Variants in CHEK1 observed in about 807,000 individuals in gnomAD.
CHEK1 encodes serine/threonine-protein kinase Chk1.
A neutral mutation model predicts 60.2 loss-of-function variants in CHEK1; 32 were observed. That is an observed-to-expected ratio of 0.53 (90% CI 0.40 to 0.71). CHEK1 has a LOEUF of 0.71. Among genes scored for constraint, CHEK1 ranks in the 30% least tolerant of loss-of-function variants. The pLI is 0.00. For missense variants in CHEK1, 399 were observed against 564.6 expected (o/e 0.71, Z 2.97); for synonymous variants, 179 against 187.2 (o/e 0.96, Z 0.36).
intron 11 of CHEK1, among the ~76,000 whole-genome samples, chr11:125,645,525 T>C (rs2136033671): frequency 6.6e-6 from 1 of 152,326 alleles, no homozygotes; most frequent in African/African-American, 2.4e-5. Flanking sequence ...CACTAGATCA[T>C]GTATTTGAAA....
chr11:125,628,106 C>T (rs1346830542), intron 3 of CHEK1, among the ~76,000 whole-genome samples: 1 of 152,170 alleles, frequency 6.6e-6, no homozygotes, highest in Non-Finnish European at 1.5e-5. Context: ...TTTTATGGTA[C>T]ATCATAAATG....
In CHEK1 at chr11:125,656,604, A is replaced by G. The variant is rs1941908403; in HGVS notation, c.*1284A>G. 1 of 213,392 alleles carries G rather than the reference A, an allele frequency of 4.7e-6. No individual in the cohort carries two copies. Among genetic ancestry groups the G allele is most frequent in the African/African-American group, 2.3e-5 (1 of 44,256 alleles). 13.2% of individuals were successfully genotyped at this position (213,392 alleles called of 1,614,324 possible). ...GGGAGAAATTTTGTTCTTGAGAATT[A>G]TCTGAGTCATTAATATTTTTCAAAA... On this transcript the variant is annotated 3_prime_UTR_variant, in exon 13 of 13. Transcript: ENST00000438015.
rs150927694 is a variant in CHEK1, at chr11:125,667,149, C to G, written c.*28-8779C>G. ...AACAGATGGTTCTTCAGTCCATTCC[C>G]CCATCTCTCTCTCTCCCTGCTATTG... On this transcript the variant is annotated intron_variant, in intron 13 of 13. Transcript: ENST00000428830. Among the ~76,000 whole-genome samples, 310 of 152,162 alleles carry G rather than the reference C, an allele frequency of 2.0e-3. 3 individuals carry two copies. Among genetic ancestry groups the G allele is most frequent in the African/African-American group, 7.2e-3 (300 of 41,512 alleles).
At chr11:125,664,447 C>T (rs1232086586) in intron 13 of CHEK1, among the ~76,000 whole-genome samples, 1 of 151,980 alleles carries the variant, frequency 6.6e-6, no homozygotes, top group East Asian at 1.9e-4. Flanking sequence ...GTTGACCAGG[C>T]TGGTCTCGAA....
At chr11:125,633,525 G>A (rs1233529835) in intron 6 of CHEK1, among the ~76,000 whole-genome samples, 174 bp downstream of exon 6, 1 of 152,066 alleles carries the variant, frequency 6.6e-6, no homozygotes, top group Non-Finnish European at 1.5e-5. Flanking sequence ...ATAGCTCACT[G>A]CAGCCTCAAA....
chr11:125,658,609 T>A (rs1176833501), downstream of CHEK1, among the ~76,000 whole-genome samples: 1 of 151,666 alleles, frequency 6.6e-6, no homozygotes, highest in East Asian at 1.9e-4. Context: ...ATTAAAGGAG[T>A]CATTCATTAC....
rs749631457 is a variant in CHEK1, at chr11:125,633,222, C to T, written c.484C>T (p.Arg162Cys). 20 of 1,604,350 alleles carry T rather than the reference C, an allele frequency of 1.2e-5. No individual in the cohort carries two copies. The highest frequency in any genetic ancestry group is 4.5e-5 in the East Asian group (2 of 44,492). Reference protein sequence around the residue: ...ATVFRYNNRERLLNKMCGTLP... With the variant: ...ATVFRYNNRECLLNKMCGTLP... ...AGTATTTCGGTATAATAATCGTGAG[C>T]GTTTGTTGAACAAGATGTGTGGTAC... The change falls in exon 6 of 13, where the codon CGT (arginine) becomes TGT (cysteine). Residue 162 changes from arginine to cysteine, a missense_variant. Around this residue, in one of 2 missense-constraint regions of CHEK1, gnomAD observed 370 missense variants for 494.8 expected, o/e 0.75. Coordinates refer to ENST00000438015, the MANE Select transcript of CHEK1 (RefSeq NM_001114122.3).
intron 13 of CHEK1, among the ~76,000 whole-genome samples, chr11:125,673,497 G>A (rs1301396165): frequency 6.6e-6 from 1 of 151,872 alleles, no homozygotes; most frequent in Admixed American, 6.6e-5. Flanking sequence ...CACTGCACCT[G>A]GCCTGAAACT....
chr11:125,629,861 A>T (rs528140732), intron 5 of CHEK1, among the ~76,000 whole-genome samples: 24 of 152,150 alleles, frequency 1.6e-4, no homozygotes, highest in African/African-American at 5.5e-4. Context: ...GCTAGGACCA[A>T]CCACAGGCAG....
intron 13 of CHEK1, among the ~76,000 whole-genome samples, chr11:125,674,433 C>T (rs1239566995): frequency 6.6e-6 from 1 of 152,144 alleles, no homozygotes; most frequent in South Asian, 2.1e-4. Flanking sequence ...CAGGCTGAAG[C>T]ATAACTGGAG....
At chr11:125,652,196 T>C (rs1203236184) in intron 11 of CHEK1, among the ~76,000 whole-genome samples, 1 of 152,230 alleles carries the variant, frequency 6.6e-6, no homozygotes, top group Non-Finnish European at 1.5e-5. Context: ...CATCCAGCTG[T>C]AGTCATTTGA....
At chr11:125,671,474 A>T (rs1942201434) in intron 13 of CHEK1, 1 of 152,206 alleles carries the variant, frequency 6.6e-6, no homozygotes. Context: ...CCAGCTTACC[A>T]TTATTGCCAG....
At chr11:125,651,946 ACTCT>A (rs1186361224) in intron 11 of CHEK1, among the ~76,000 whole-genome samples, 1 of 151,868 alleles carries the variant, frequency 6.6e-6, no homozygotes, top group African/African-American at 2.4e-5. Flanking sequence ...TCCTTGATTC[ACTCT>A]CTCTCAGTTC....
Position 125,653,254 on chromosome 11 carries a change from G to A in CHEK1, c.1234-492G>A, listed in dbSNP as rs962831661. On this transcript the variant is annotated intron_variant, in intron 11 of 12. Coordinates refer to ENST00000438015, the MANE Select transcript of CHEK1 (RefSeq NM_001114122.3). The surrounding 1 kb of genome is among the most constrained non-coding windows in gnomAD (Gnocchi z 4.3). ...TTTTGAGACAGGGTCTCGCTCTGTC[G>A]CCCATGCTAGAGTGCAGTGGCGCAA... Among the ~76,000 whole-genome samples, 18 of 152,102 alleles carry A rather than the reference G, an allele frequency of 1.2e-4. No homozygotes were observed. The highest frequency in any genetic ancestry group is 1.9e-4 in the Non-Finnish European group (13 of 67,994).
At chr11:125,649,361 CTT>C (rs1941622883) in intron 11 of CHEK1, among the ~76,000 whole-genome samples, 1 of 151,956 alleles carries the variant, frequency 6.6e-6, no homozygotes, top group African/African-American at 2.4e-5. Context: ...TACCAGCTCT[CTT>C]TTGGTTATTG....
intron 13 of CHEK1, chr11:125,671,675 T>C (rs922634321): frequency 2.6e-5 from 4 of 152,240 alleles, no homozygotes; most frequent in African/African-American, 9.6e-5. Context: ...TTGTGGAATC[T>C]GCCTATAGCT....
downstream of CHEK1, among the ~76,000 whole-genome samples, chr11:125,659,301 T>G (rs1941973091): frequency 6.6e-6 from 1 of 152,150 alleles, no homozygotes; most frequent in Non-Finnish European, 1.5e-5. Flanking sequence ...TCTTGCAGTT[T>G]ATTGGTTGAA....
At chr11:125,680,588 G>C (rs746966859), downstream of CHEK1, 1 of 710,662 alleles carries the variant, frequency 1.4e-6, no homozygotes, top group South Asian at 1.8e-5. Flanking sequence ...GGAGCTCTCC[G>C]AGTTGGACTT....
At chr11:125,651,452 T>C (rs752469977) in intron 11 of CHEK1, among the ~76,000 whole-genome samples, 52 of 151,984 alleles carry the variant, frequency 3.4e-4, no homozygotes, top group Non-Finnish European at 7.2e-4. Context: ...CACACCCTAC[T>C]AATTTTTGTA....
Sources: allele counts gnomAD v4.1 joint callset (sites outside exome capture counted in the v4.1 genomes callset), GRCh38; gene constraint gnomAD v4.1.1; regional missense constraint gnomAD v4.1.1; non-coding constraint Gnocchi (gnomAD v3.1); transcripts MANE v1.5; gene names NCBI Gene and HGNC (gene_info 2026-07-23, HGNC 2026-07-21).